IQGAP2: variants seen among roughly 807,000 people sequenced by gnomAD.
IQGAP2 encodes the protein IQ motif containing GTPase activating protein 2, also known as ras GTPase-activating-like protein IQGAP2.
A neutral mutation model predicts 201.3 loss-of-function variants in IQGAP2; 173 were observed. The ratio of observed to expected loss-of-function variants is 0.86; its 90% CI spans 0.76 to 0.98. The LOEUF (loss-of-function observed/expected upper bound fraction) is 0.98, where lower values mean the gene tolerates loss of function less well. Among genes scored for constraint, IQGAP2 ranks in the 50% least tolerant of loss-of-function variants. The pLI is 0.00. For missense variants in IQGAP2, 1,687 were observed against 1,864.8 expected (o/e 0.90, Z 1.76); for synonymous variants, 675 against 673.9 (o/e 1.00, Z -0.03).
At chr5:76,446,384 T>C (rs1427635412) in intron 1 of IQGAP2, among the ~76,000 whole-genome samples, 2 of 152,262 alleles carry the variant, frequency 1.3e-5, no homozygotes, top group East Asian at 3.9e-4. Flanking sequence ...ATATGTAAAA[T>C]TATTGGAGGA....
chr5:76,628,999 T>C (rs1750477348), intron 14 of IQGAP2, among the ~76,000 whole-genome samples: 1 of 152,220 alleles, frequency 6.6e-6, no homozygotes, highest in Non-Finnish European at 1.5e-5. Flanking sequence ...TTAGAAGGTT[T>C]TTAAAATGTT....
At chr5:76,704,601 C>G (rs1035897931) in intron 35 of IQGAP2, among the ~76,000 whole-genome samples, 2 of 152,158 alleles carry the variant, frequency 1.3e-5, no homozygotes, top group African/African-American at 2.4e-5. Flanking sequence ...ACATCCTTAG[C>G]AGGGCTCAGA....
intron 4 of IQGAP2, among the ~76,000 whole-genome samples, chr5:76,572,509 A>G (rs149166831): frequency 0.016 from 2,368 of 151,690 alleles, 67 homozygotes; most frequent in African/African-American, 0.053. Flanking sequence ...TTTAAGAAAA[A>G]GAGTAAGAAA....
rs1747734967 is a variant in IQGAP2 at position 76,605,407 on chromosome 5, C to T, written c.1233-772C>T. 2.6e-5 allele frequency among the ~76,000 whole-genome samples: 4 copies of T among 152,082 alleles called. No homozygotes were observed. In the South Asian group the frequency reaches 6.2e-4, roughly 24 times the overall value. ...ACAGAGTCTCCCTGTGTTGCCCAAG[C>T]TGGTCTTTAACTCCTGGGCTCAAAC... On this transcript the variant is annotated intron_variant, in intron 11 of 35. Coordinates refer to ENST00000274364, the MANE Select transcript of IQGAP2 (RefSeq NM_006633.5).
At chr5:76,650,491 T>C (rs1447676490) in intron 17 of IQGAP2, among the ~76,000 whole-genome samples, 3 of 152,232 alleles carry the variant, frequency 2.0e-5, no homozygotes, top group African/African-American at 7.2e-5. Context: ...GTGGGTTTTT[T>C]GTTAACATGT....
intron 22 of IQGAP2, among the ~76,000 whole-genome samples, chr5:76,667,555 A>G (rs921615082): frequency 2.0e-5 from 3 of 152,176 alleles, no homozygotes; most frequent in Non-Finnish European, 2.9e-5. Context: ...CCACATCACC[A>G]TGAAGGCTGG....
intron 31 of IQGAP2, among the ~76,000 whole-genome samples, chr5:76,694,287 A>G (rs1005266295): frequency 6.6e-6 from 1 of 152,208 alleles, no homozygotes; most frequent in African/African-American, 2.4e-5. Context: ...AAAATTTTTA[A>G]TAAAAAATGT....
intron 10 of IQGAP2, among the ~76,000 whole-genome samples, chr5:76,599,072 T>C (rs1316277674): frequency 6.6e-6 from 1 of 152,180 alleles, no homozygotes; most frequent in African/African-American, 2.4e-5. Flanking sequence ...TTTGTTTTCT[T>C]ATTCTTGCTT....
intron 15 of IQGAP2, among the ~76,000 whole-genome samples, chr5:76,634,577 C>T (rs1047673112): frequency 1.2e-4 from 18 of 152,060 alleles, no homozygotes; most frequent in African/African-American, 3.1e-4. Context: ...TCTGACTCTA[C>T]GGAAAACGTT....
chr5:76,692,394 C>A (rs192905931), intron 30 of IQGAP2, among the ~76,000 whole-genome samples: 96 of 152,314 alleles, frequency 6.3e-4, no homozygotes, highest in Middle Eastern at 3.4e-3. Context: ...GCAGGTGATC[C>A]GCCCACCTCG....
intron 2 of IQGAP2, among the ~76,000 whole-genome samples, chr5:76,535,813 G>A (rs982365731): frequency 6.6e-6 from 1 of 152,176 alleles, no homozygotes; most frequent in Non-Finnish European, 1.5e-5. Flanking sequence ...TTAACTCAAA[G>A]GCTTTGTTAA....
At chr5:76,510,442 G>A (rs767407327) in intron 2 of IQGAP2, 18 of 289,350 alleles carry the variant, frequency 6.2e-5, no homozygotes, top group Non-Finnish European at 6.2e-5. Flanking sequence ...CAGGGGTGGC[G>A]CCTGAGGGTC....
At chr5:76,600,455 ACT>A (rs1747352323) in intron 10 of IQGAP2, among the ~76,000 whole-genome samples, 2 of 152,096 alleles carry the variant, frequency 1.3e-5, no homozygotes, top group Non-Finnish European at 2.9e-5. Flanking sequence ...GTTACCTGGC[ACT>A]CTCAGTCAGT....
chr5:76,582,031 G>C (rs927442208), intron 5 of IQGAP2, among the ~76,000 whole-genome samples: 1 of 152,198 alleles, frequency 6.6e-6, no homozygotes, highest in Non-Finnish European at 1.5e-5. Context: ...ACAAAATACT[G>C]TACTGGTATA....
At chr5:76,461,439 C>A in intron 1 of IQGAP2, 131 bp from the exon 2 acceptor site, 1 of 538,324 alleles carries the variant, frequency 1.9e-6, no homozygotes, top group Non-Finnish European at 3.3e-6. Context: ...TCTCTCTCTG[C>A]CTGGTGTTTC....
intron 2 of IQGAP2, among the ~76,000 whole-genome samples, chr5:76,494,322 G>A (rs567539084): frequency 1.8e-4 from 27 of 152,184 alleles, no homozygotes; most frequent in Non-Finnish European, 3.4e-4. Flanking sequence ...TGGCAAAAGG[G>A]TTCAGTCACA....
In IQGAP2 at chr5:76,476,190, C is replaced by T. The variant is rs182985713; in HGVS notation, c.146+14521C>T. Among the ~76,000 whole-genome samples, 69 of 152,180 alleles carry T rather than the reference C, an allele frequency of 4.5e-4. 1 individual carries two copies. Among genetic ancestry groups the T allele is most frequent in the Admixed American group, 3.7e-3 (56 of 15,270 alleles). The stretch of plus-strand genomic sequence containing the variant: ...TTGGAGTGTAGTGGAGGAGTGTTAC[C>T]AAGGTCATCCACCTTCTTGAAGCCA... On this transcript the variant is annotated intron_variant, in intron 2 of 35. Coordinates refer to ENST00000274364, the MANE Select transcript of IQGAP2 (RefSeq NM_006633.5).
At chr5:76,449,370 T>A (rs1322991071) in intron 1 of IQGAP2, among the ~76,000 whole-genome samples, 1 of 152,158 alleles carries the variant, frequency 6.6e-6, no homozygotes, top group Non-Finnish European at 1.5e-5. Flanking sequence ...CTTTAATGAG[T>A]TGGTACTTTT....
At chr5:76,571,571 A>G (rs2150272795) in intron 4 of IQGAP2, among the ~76,000 whole-genome samples, 1 of 152,344 alleles carries the variant, frequency 6.6e-6, no homozygotes, top group South Asian at 2.1e-4. Context: ...CCTAAATATA[A>G]TTTAACTCAG....
Sources: gnomAD v4.1 joint callset for allele counts (sites outside exome capture counted in the v4.1 genomes callset) on GRCh38, gnomAD v4.1.1 for gene constraint, MANE v1.5 for transcripts, NCBI Gene and HGNC (gene_info 2026-07-23, HGNC 2026-07-21) for gene names.